ZFAND2A: variants seen among roughly 807,000 people sequenced by gnomAD.
The protein encoded by ZFAND2A is AN1-type zinc finger protein 2A.
Under a neutral mutation model 11.6 loss-of-function variants are expected in ZFAND2A, and 20 were observed. That is an observed-to-expected ratio of 1.72 (90% confidence interval 1.21 to 2.50). The LOEUF (loss-of-function observed/expected upper bound fraction) is 2.50. Among genes scored for constraint, ZFAND2A ranks in the 30% most tolerant of loss-of-function variants. The pLI, the probability that ZFAND2A is intolerant of heterozygous loss-of-function variation, is 0.00. For synonymous variants in ZFAND2A, 93 were observed against 60.6 expected (o/e 1.54, Z -2.48); for missense variants, 234 against 182.9 (o/e 1.28, Z -1.61).
At chr7:1,153,383 A>G in intron 4 of ZFAND2A, 159 bp from the exon 5 acceptor site, 2 of 715,284 alleles carry the variant, frequency 2.8e-6, no homozygotes, top group East Asian at 5.8e-5. Context: ...ACCTGGTACT[A>G]CAGGCACACA....
Position 1,155,587 on chromosome 7 carries a change from A to G in ZFAND2A, c.151-3T>C, listed in dbSNP as rs745810390. 1 of 1,609,832 alleles carries G rather than the reference A, an allele frequency of 6.2e-7. No individual in the cohort carries two copies. Among genetic ancestry groups the G allele is most frequent in the South Asian group, 1.1e-5 (1 of 90,080 alleles). ...GGGCATACTGGGACGTGAACATCCT[A>G]AAAATAACAAAGGTAAGATGGCATC... On this transcript the variant is annotated splice_polypyrimidine_tract_variant and splice_region_variant and intron_variant, in intron 3 of 4. Coordinates refer to ENST00000316495, the MANE Select transcript of ZFAND2A (RefSeq NM_182491.4).
At chr7:1,152,334 T>C, downstream of ZFAND2A, 1 of 1,573,892 alleles carries the variant, frequency 6.4e-7, no homozygotes, top group Non-Finnish European at 8.6e-7. Context: ...GAGACTGTCA[T>C]GGGTGAGCAC....
At chr7:1,156,022 T>C (rs1793517976) in intron 3 of ZFAND2A, among the ~76,000 whole-genome samples, 1 of 152,242 alleles carries the variant, frequency 6.6e-6, no homozygotes, top group African/African-American at 2.4e-5. Flanking sequence ...TGCGCCCAGA[T>C]GAGGCCACGT....
chr7:1,159,388 T>A (rs962717325), intron 1 of ZFAND2A, among the ~76,000 whole-genome samples: 2 of 151,636 alleles, frequency 1.3e-5, no homozygotes, highest in African/African-American at 4.8e-5. Flanking sequence ...GGCTGGCGGG[T>A]TAACGACCCC....
In ZFAND2A at chr7:1,158,146, A is replaced by G. The variant is rs1393301918; in HGVS notation, c.55+12T>C. The G allele has an allele frequency of 3.1e-6, 5 of 1,612,694 alleles. No homozygotes were observed. The highest frequency in any genetic ancestry group is 2.2e-5 in the East Asian group (1 of 44,900). Reference sequence around the variant, plus strand: ...AATACCATTTTCTATTAAGTCTCTTAAAAGTACTCACCTAGCTGCTTGCAA... The same window carrying G: ...AATACCATTTTCTATTAAGTCTCTTGAAAGTACTCACCTAGCTGCTTGCAA... On this transcript the variant is annotated intron_variant, in intron 2 of 4. Coordinates refer to ENST00000316495, the MANE Select transcript of ZFAND2A (RefSeq NM_182491.4).
intron 4 of ZFAND2A, among the ~76,000 whole-genome samples, chr7:1,154,544 G>A (rs1315617149): frequency 1.3e-5 from 2 of 152,158 alleles, no homozygotes; most frequent in Non-Finnish European, 2.9e-5. Context: ...TGTCTCAGAG[G>A]CTTAAGAGAC....
At chr7:1,151,776 C>CAAAAAAAAAAAAAAAAAAAA (rs1563158643), downstream of ZFAND2A, among the ~76,000 whole-genome samples, 55 of 52,508 alleles carry the variant, frequency 1.0e-3, no homozygotes, top group African/African-American at 1.5e-3. Context: ...AAAAAAAAAG[C>CAAAAAAAAAAAAAAAAAAAA]AAAGCCAGCC....
intron 1 of ZFAND2A, among the ~76,000 whole-genome samples, chr7:1,159,343 C>T (rs944181113): frequency 6.6e-6 from 1 of 152,244 alleles, no homozygotes; most frequent in Non-Finnish European, 1.5e-5. Flanking sequence ...GCCGGGCCCG[C>T]AGCAAGAAAA....
chr7:1,156,072 G>C (rs1384007348), intron 3 of ZFAND2A, among the ~76,000 whole-genome samples: 2 of 152,246 alleles, frequency 1.3e-5, no homozygotes, highest in South Asian at 2.1e-4. Context: ...GACCGTCACT[G>C]GCTGCAGGCC....
downstream of ZFAND2A, chr7:1,152,125 C>T: frequency 7.7e-7 from 1 of 1,292,872 alleles, no homozygotes; most frequent in Non-Finnish European, 1.0e-6. Flanking sequence ...TTCATCCATC[C>T]TGACGAAGTC....
downstream of ZFAND2A, among the ~76,000 whole-genome samples, chr7:1,151,762 T>TTAAAAAAAAAAAAAAAAAAAAAA (rs1554344524): frequency 2.3e-5 from 2 of 87,158 alleles, no homozygotes; most frequent in African/African-American, 1.1e-4. Flanking sequence ...TCATCCCTTT[T>TTAAAAAAAAAAAAAAAAAAAAAA]AAAAAAAAAA....
At chr7:1,152,416 G>A (rs1584023001), downstream of ZFAND2A, 7 of 1,446,936 alleles carry the variant, frequency 4.8e-6, no homozygotes, top group East Asian at 1.8e-4. Flanking sequence ...CTTCCTGCAG[G>A]TAAGCAACTA....
intron 2 of ZFAND2A, among the ~76,000 whole-genome samples, 155 bp from the exon 3 acceptor site, chr7:1,157,905 T>C (rs1006056432): frequency 3.3e-5 from 5 of 152,244 alleles, no homozygotes; most frequent in Non-Finnish European, 7.3e-5. Context: ...AGGGTCAGGC[T>C]GTCTTCTAGA....
downstream of ZFAND2A, among the ~76,000 whole-genome samples, chr7:1,149,853 G>GT (rs11349429): frequency 3.6e-3 from 510 of 139,866 alleles, no homozygotes; most frequent in Admixed American, 5.0e-3. Context: ...TTGTTCTTAA[G>GT]TTTTTTTTTT....
At chr7:1,157,898 G>A (rs888498239) in intron 2 of ZFAND2A, 148 bp from the exon 3 acceptor site, 7 of 739,156 alleles carry the variant, frequency 9.5e-6, no homozygotes, top group Non-Finnish European at 1.5e-5. Flanking sequence ...CAATCCCAGG[G>A]TCAGGCTGTC....
At chr7:1,155,374 T>C in intron 4 of ZFAND2A, 79 bp downstream of exon 4, 2 of 1,565,800 alleles carry the variant, frequency 1.3e-6, no homozygotes, top group Non-Finnish European at 1.7e-6. Flanking sequence ...TGGGAGTAAT[T>C]TTCAGGTAGC....
downstream of ZFAND2A, chr7:1,152,013 G>A: frequency 2.3e-6 from 1 of 433,014 alleles, no homozygotes; most frequent in Non-Finnish European, 4.1e-6. Flanking sequence ...ATCTTGGAGG[G>A]CAGAAAAGGT....
chr7:1,159,746 G>A (rs1456468275), intron 1 of ZFAND2A, among the ~76,000 whole-genome samples: 2 of 96,192 alleles, frequency 2.1e-5, no homozygotes, highest in East Asian at 2.6e-4. Flanking sequence ...GACCCCGGCA[G>A]GCCCGGTCCC....
At chr7:1,159,303 T>A (rs947969848) in intron 1 of ZFAND2A, among the ~76,000 whole-genome samples, 1 of 152,166 alleles carries the variant, frequency 6.6e-6, no homozygotes, top group Non-Finnish European at 1.5e-5. Flanking sequence ...ACAGCACCCG[T>A]CCTAGGAAAC....
Sources: gnomAD v4.1 joint callset for allele counts (sites outside exome capture counted in the v4.1 genomes callset) on GRCh38, gnomAD v4.1.1 for gene constraint, MANE v1.5 for transcripts, NCBI Gene and HGNC (gene_info 2026-07-23, HGNC 2026-07-21) for gene names.